CEACAM3: variants seen among roughly 807,000 people sequenced by gnomAD.
The protein encoded by CEACAM3 is cell adhesion molecule CEACAM3.
Under a neutral mutation model 30.1 loss-of-function variants are expected in CEACAM3, and 32 were observed. The ratio of observed to expected loss-of-function variants is 1.06; its 90% CI spans 0.80 to 1.43. The LOEUF is 1.43. Among genes scored for constraint, CEACAM3 ranks in the 40% most tolerant of loss-of-function variants. The probability of loss-of-function intolerance (pLI) is 0.00; values close to 1 mark genes in which losing one functional copy is unlikely to be tolerated. For missense variants in CEACAM3, 290 were observed against 316.3 expected, an observed-to-expected ratio of 0.92 and a Z score of 0.63; for synonymous variants, 134 against 127.2, an observed-to-expected ratio of 1.05 and a Z score of -0.36.
rs2073209721 is a variant in CEACAM3 at position 41,807,210 on chromosome 19, C to A, written c.425-1603C>A. 5.0e-6 allele frequency: 8 copies of A among 1,609,830 alleles called. No homozygotes were observed. The East Asian group carries it at 1.8e-4, about 36-fold the overall frequency. ...TGTGAACCTGAGATTCACAGCACAA[C>A]CTGCCTGTAGTGGGTAAATGGTCAG... On this transcript the variant is annotated intron_variant, in intron 2 of 6. Coordinates refer to ENST00000357396, the MANE Select transcript of CEACAM3 (RefSeq NM_001815.5).
intron 2 of CEACAM3, among the ~76,000 whole-genome samples, chr19:41,805,436 G>A (rs2073191127): frequency 6.6e-6 from 1 of 151,908 alleles, no homozygotes; most frequent in Non-Finnish European, 1.5e-5. Context: ...TTACAGGCAT[G>A]TGCCACCACA....
chr19:41,807,004 G>A (rs1400301876), intron 2 of CEACAM3: 98 of 1,543,070 alleles, frequency 6.4e-5, no homozygotes, highest in Non-Finnish European at 8.4e-5. Flanking sequence ...GGTCTTTTAA[G>A]GAGTGGAGTT....
At chr19:41,810,521 G>A (rs1477136986) in intron 5 of CEACAM3, among the ~76,000 whole-genome samples, 167 bp downstream of exon 5, 2 of 151,918 alleles carry the variant, frequency 1.3e-5, no homozygotes, top group East Asian at 1.9e-4. Flanking sequence ...TACAGGGTCA[G>A]GACCACCCAC....
At chr19:41,807,162 A>G (rs1703276228) in intron 2 of CEACAM3, 2 of 1,535,564 alleles carry the variant, frequency 1.3e-6, no homozygotes, top group Non-Finnish European at 8.8e-7. Flanking sequence ...CCCAAGGAGG[A>G]CAAGGATGCT....
At position 41,811,421 on chromosome 19, in the gene CEACAM3, C is replaced by A; in HGVS notation, c.*184C>A. 1 of 607,632 alleles carries A rather than the reference C, an allele frequency of 1.6e-6. No homozygotes were observed. Among genetic ancestry groups the A allele is most frequent in the Admixed American group, 2.8e-5 (1 of 35,638 alleles). 37.6% of individuals were successfully genotyped at this position (607,632 alleles called of 1,614,324 possible). ...TATCTGGAGACCTCGACAGCCTGCCCTAGGCCCTGGGTGGGTCAGGACAAA... is the reference window on the plus strand; with the variant it reads ...TATCTGGAGACCTCGACAGCCTGCCATAGGCCCTGGGTGGGTCAGGACAAA... On this transcript the variant is annotated 3_prime_UTR_variant, in exon 7 of 7. Transcript: ENST00000357396.
At chr19:41,803,471 T>TG (rs2073171606) in intron 2 of CEACAM3, among the ~76,000 whole-genome samples, 6 of 115,020 alleles carry the variant, frequency 5.2e-5, no homozygotes, top group African/African-American at 9.4e-5. Flanking sequence ...GTTTTGTTTG[T>TG]TTTTTTTTTT....
At position 41,811,295 on chromosome 19, in the gene CEACAM3, G is replaced by A; in HGVS notation, c.*58G>A. ...GAGAGTCCCCAAGGCCCCCAGCCCT[G>A]GGGATGGGGAAGGACATGAAGCCTG... On this transcript the variant is annotated 3_prime_UTR_variant, in exon 7 of 7. Transcript: ENST00000357396. 8 of 1,428,918 alleles carry A rather than the reference G, an allele frequency of 5.6e-6. No individual in the cohort carries two copies. The highest frequency in any genetic ancestry group is 7.9e-6 in the Non-Finnish European group (8 of 1,014,210). The allele number at this position is 1,428,918 out of a possible 1,614,324, so 88.5% of individuals were successfully genotyped here.
At chr19:41,798,862 A>C (rs1261913303) in intron 2 of CEACAM3, among the ~76,000 whole-genome samples, 5 of 152,186 alleles carry the variant, frequency 3.3e-5, no homozygotes, top group Non-Finnish European at 7.3e-5. Flanking sequence ...CTTATTGAAA[A>C]AAAAAATTGA....
Position 41,811,395 on chromosome 19 carries a change from A to C in CEACAM3, c.*158A>C. The stretch of plus-strand genomic sequence containing the variant: ...AGGGAGGGATGGGGGTCCCTGATGA[A>C]TATCTGGAGACCTCGACAGCCTGCC... On this transcript the variant is annotated 3_prime_UTR_variant, in exon 7 of 7. Coordinates refer to ENST00000357396, the MANE Select transcript of CEACAM3 (RefSeq NM_001815.5). The C allele has an allele frequency of 1.5e-6, 1 of 649,800 alleles. No homozygotes were observed. The highest frequency in any genetic ancestry group is 2.7e-6 in the Non-Finnish European group (1 of 369,114). 40.3% of individuals were successfully genotyped at this position (649,800 alleles called of 1,614,324 possible). A position where few individuals can be genotyped will look rare whatever the true frequency, so the allele number is the denominator to read the frequency against.
chr19:41,811,129 T>C (rs2073246947), intron 6 of CEACAM3, 43 bp from the exon 7 acceptor site: 1 of 1,601,888 alleles, frequency 6.2e-7, no homozygotes, highest in Admixed American at 1.7e-5. Context: ...CACCCTGTTC[T>C]GAGGAGACTA....
Position 41,810,036 on chromosome 19 carries a change from C to T in CEACAM3, c.595+19C>T. 6.2e-7 allele frequency: 1 copy of T among 1,612,172 alleles called. No homozygotes were observed. ...GCCCCTGGTGAGTGTCCTCTCAGCC[C>T]AGGTGTGGCTGGGAACCCCTAGGAC... On this transcript the variant is annotated intron_variant, in intron 4 of 6. Coordinates refer to ENST00000357396, the MANE Select transcript of CEACAM3 (RefSeq NM_001815.5).
chr19:41,797,707 T>A lies in CEACAM3; in HGVS notation c.183T>A (p.His61Gln), dbSNP rs1568737566. ...VLLLVHNLPQ[H>Q]LFGYSWYKGE... Reference sequence around the variant, plus strand: ...TACTTGTCCACAATCTGCCCCAGCATCTTTTTGGCTACAGCTGGTACAAAG... The same window carrying A: ...TACTTGTCCACAATCTGCCCCAGCAACTTTTTGGCTACAGCTGGTACAAAG... Residue 61 changes from histidine to glutamine, a missense_variant, in exon 2 of 7, where the codon CAT (histidine) becomes CAA (glutamine). His to Gln is a conservative substitution (Grantham distance 24). Coordinates refer to ENST00000357396, the MANE Select transcript of CEACAM3 (RefSeq NM_001815.5). The A allele has an allele frequency of 1.1e-5, 17 of 1,614,064 alleles. No homozygotes were observed. Among genetic ancestry groups the A allele is most frequent in the Non-Finnish European group, 1.4e-5 (17 of 1,179,974 alleles).
chr19:41,797,574 C>T lies in CEACAM3; in HGVS notation c.65-15C>T, dbSNP rs368963493. ...ACATGGGTCCCAATATTGACTGATGCTTTCTCCCTCCTAGCCTCACTTCTA... is the reference window on the plus strand; with the variant it reads ...ACATGGGTCCCAATATTGACTGATGTTTTCTCCCTCCTAGCCTCACTTCTA... On this transcript the variant is annotated splice_polypyrimidine_tract_variant and intron_variant, in intron 1 of 6. Transcript: ENST00000357396. 1.9e-5 allele frequency: 31 copies of T among 1,605,930 alleles called. No individual in the cohort carries two copies. The highest frequency in any genetic ancestry group is 5.6e-5 in the South Asian group (5 of 89,972).
At position 41,797,963 on chromosome 19, in the gene CEACAM3, A is replaced by G. The variant is rs782609551; in HGVS notation, c.424+15A>G. ...CCATGTATACCGTGAGTATTTCCAC[A>G]TGACCTCTGGGTGTTGGGGGTCAGT... is the stretch of plus-strand genomic sequence containing the variant. On this transcript the variant is annotated intron_variant, in intron 2 of 6. Coordinates refer to ENST00000357396, the MANE Select transcript of CEACAM3 (RefSeq NM_001815.5). 13 of 1,583,892 alleles carry G rather than the reference A, an allele frequency of 8.2e-6. No homozygotes were observed. The East Asian group carries it at 2.9e-4, about 35-fold the overall frequency.
At chr19:41,809,714 G>C (rs569262486) in intron 3 of CEACAM3, 445 of 421,372 alleles carry the variant, frequency 1.1e-3, no homozygotes, top group Non-Finnish European at 1.5e-3. Flanking sequence ...CCCTTTCCTG[G>C]GTCCCTGGGT....
intron 5 of CEACAM3, 152 bp downstream of exon 5, chr19:41,810,506 C>A: frequency 1.0e-6 from 1 of 971,646 alleles, no homozygotes; most frequent in Non-Finnish European, 1.6e-6. Flanking sequence ...GGAGCTGGGC[C>A]TCCCTACAGG....
intron 2 of CEACAM3, among the ~76,000 whole-genome samples, chr19:41,801,537 A>G (rs181185339): frequency 8.7e-4 from 133 of 152,370 alleles, no homozygotes; most frequent in African/African-American, 2.8e-3. Flanking sequence ...AATGCTAAGT[A>G]AGCCAAACAG....
chr19:41,799,272 C>A (rs1555825723), intron 2 of CEACAM3, among the ~76,000 whole-genome samples: 1 of 152,142 alleles, frequency 6.6e-6, no homozygotes, highest in African/African-American at 2.4e-5. Flanking sequence ...TCAGTTCTCA[C>A]TTTGAGTGCA....
rs188858931 is a variant in CEACAM3, at chr19:41,809,734, C to G, written c.543-231C>G. ...TCCTGGGTCCCTGGGTCAATGTTCT[C>G]CTGGCCCGGCATCTGCCTGAGGGTC... On this transcript the variant is annotated intron_variant, in intron 3 of 6. Coordinates refer to ENST00000357396, the MANE Select transcript of CEACAM3 (RefSeq NM_001815.5). The G allele has an allele frequency of 4.5e-5, 22 of 489,726 alleles. No homozygotes were observed. The East Asian group carries it at 7.3e-4, about 16-fold the overall frequency. The allele number at this position is 489,726 out of a possible 1,614,324, so 30.3% of individuals were successfully genotyped here. A position where few individuals can be genotyped will look rare whatever the true frequency, so the allele number is the denominator to read the frequency against.
Sources: allele counts gnomAD v4.1 joint callset (sites outside exome capture counted in the v4.1 genomes callset), GRCh38; gene constraint gnomAD v4.1.1; transcripts MANE v1.5; gene names NCBI Gene and HGNC (gene_info 2026-07-23, HGNC 2026-07-21).